Variants in RFPL3 observed in about 807,000 individuals in gnomAD.
RFPL3 encodes ret finger protein like 3.
RFPL3 carries 8 observed loss-of-function variants against 8.7 expected under a neutral mutation model. The observed-to-expected ratio is 0.92, with a 90% CI of 0.54 to 1.66. The LOEUF (loss-of-function observed/expected upper bound fraction) is 1.66. Ranked by LOEUF, RFPL3 falls within the 40% of genes most tolerant of loss-of-function variation. The pLI, the probability that RFPL3 is intolerant of heterozygous loss-of-function variation, is 0.00. For missense variants in RFPL3, 341 were observed against 395.0 expected (o/e 0.86, Z 1.16); for synonymous variants, 145 against 150.5 (o/e 0.96, Z 0.27).
chr22:32,360,114 C>T (rs56317784), intron 1 of RFPL3, 138 bp from the exon 2 acceptor site: 75,244 of 1,158,884 alleles, frequency 0.065, 2,729 homozygotes, highest in African/African-American at 0.11. Flanking sequence ...GAAGTTTCCT[C>T]ATGAAAAGTT....
chr22:32,360,857 G>A lies in RFPL3; in HGVS notation c.*25G>A. Reference sequence around the variant, plus strand: ...AGCCGCCACTGCAAAAAAAAACAGGGTCAGAAAATTACTTGGGTGGGTAGA... The same window carrying A: ...AGCCGCCACTGCAAAAAAAAACAGGATCAGAAAATTACTTGGGTGGGTAGA... On this transcript the variant is annotated 3_prime_UTR_variant, in exon 2 of 2. Transcript: ENST00000249007. The A allele has an allele frequency of 2.7e-6, 4 of 1,504,984 alleles. No homozygotes were observed. Among genetic ancestry groups the A allele is most frequent in the African/African-American group, 1.4e-5 (1 of 71,594 alleles). The allele number at this position is 1,504,984 out of a possible 1,614,324, so 93.2% of individuals were successfully genotyped here. A position where few individuals can be genotyped will look rare whatever the true frequency, so the allele number is the denominator to read the frequency against.
At position 32,360,423 on chromosome 22, in the gene RFPL3, G is replaced by A; in HGVS notation, c.545G>A (p.Trp182Ter). 2 of 1,613,952 alleles carry A rather than the reference G, an allele frequency of 1.2e-6. No individual in the cohort carries two copies. The change falls in exon 2 of 2, where the codon TGG becomes TAG. Residue 182 changes from tryptophan (W) to a stop codon, truncating the protein, a stop_gained. Transcript: ENST00000249007. LOFTEE classifies it low-confidence loss of function (END_TRUNC). ...CGCTTTACCTGTGGCCGCCACTACT[G>A]GGAGGTGGACGTGGGAACAAGCACA... ...SPRFTCGRHY[W>*]EVDVGTSTEW...
At chr22:32,358,849 C>A (rs1932749091) in intron 1 of RFPL3, among the ~76,000 whole-genome samples, 1 of 152,142 alleles carries the variant, frequency 6.6e-6, no homozygotes, top group Admixed American at 6.5e-5. Context: ...TTAAGATGGG[C>A]CTGGTATTTC....
upstream of RFPL3, among the ~76,000 whole-genome samples, chr22:32,356,059 T>C (rs193149615): frequency 1.2e-3 from 183 of 152,140 alleles, no homozygotes; most frequent in African/African-American, 4.1e-3. Context: ...GGGCCCCAAA[T>C]GTAAGACCTC....
intron 1 of RFPL3, 71 bp downstream of exon 1, chr22:32,358,515 T>A (rs1000079594): frequency 2.0e-6 from 3 of 1,531,728 alleles, no homozygotes; most frequent in Non-Finnish European, 2.6e-6. Flanking sequence ...AGTTGGCCCC[T>A]CATTCCACAT....
rs1932782377 is a variant in RFPL3, at chr22:32,361,103, A to T, written c.*271A>T. The stretch of plus-strand genomic sequence containing the variant: ...AAATGCTTTACTTTTTCATTTCTGT[A>T]AGTTCAAATCAATGTTTAAATTATA... On this transcript the variant is annotated 3_prime_UTR_variant, in exon 2 of 2. Transcript: ENST00000249007. 3.0e-6 allele frequency: 1 copy of T among 328,574 alleles called. No homozygotes were observed. Among genetic ancestry groups the T allele is most frequent in the Non-Finnish European group, 5.5e-6 (1 of 182,776 alleles). 20.4% of individuals were successfully genotyped at this position (328,574 alleles called of 1,614,324 possible).
In RFPL3 at chr22:32,358,066, C is replaced by T. The variant is rs762905306; in HGVS notation, c.-6C>T. 1.2e-5 allele frequency: 20 copies of T among 1,610,520 alleles called. No homozygotes were observed. The highest frequency in any genetic ancestry group is 8.3e-5 in the Admixed American group (5 of 59,888). On this transcript the variant is annotated 5_prime_UTR_variant, in exon 1 of 2. Coordinates refer to ENST00000249007, the MANE Select transcript of RFPL3 (RefSeq NM_001098535.1). ...GTGACAAAGCTGGAACACAATACCT[C>T]TATGCATGAAAAGGTTGTCACTTGT...
At position 32,360,856 on chromosome 22, in the gene RFPL3, G is replaced by T; in HGVS notation, c.*24G>T. On this transcript the variant is annotated 3_prime_UTR_variant, in exon 2 of 2. Coordinates refer to ENST00000249007, the MANE Select transcript of RFPL3 (RefSeq NM_001098535.1). ...AAGCCGCCACTGCAAAAAAAAACAG[G>T]GTCAGAAAATTACTTGGGTGGGTAG... The T allele has an allele frequency of 6.7e-7, 1 of 1,501,922 alleles. No homozygotes were observed. Among genetic ancestry groups the T allele is most frequent in the Non-Finnish European group, 8.9e-7 (1 of 1,126,300 alleles). 93.0% of individuals were successfully genotyped at this position (1,501,922 alleles called of 1,614,324 possible). A position where few individuals can be genotyped will look rare whatever the true frequency, so the allele number is the denominator to read the frequency against.
chr22:32,356,614 A>C (rs1422916775), upstream of RFPL3: 2 of 217,812 alleles, frequency 9.2e-6, no homozygotes, highest in African/African-American at 2.4e-5. Context: ...GTGGGAGGGG[A>C]TCTCTGTTCT....
chr22:32,358,925 G>A (rs1932751003), intron 1 of RFPL3, among the ~76,000 whole-genome samples: 2 of 152,206 alleles, frequency 1.3e-5, no homozygotes, highest in Admixed American at 1.3e-4. Flanking sequence ...AGAAGAGTTG[G>A]GAATGGAGCA....
chr22:32,358,828 T>C, intron 1 of RFPL3, among the ~76,000 whole-genome samples: 1 of 152,230 alleles, frequency 6.6e-6, no homozygotes, highest in East Asian at 1.9e-4. Flanking sequence ...AAGGTTCCCA[T>C]GAATCTGACA....
At chr22:32,359,503 C>T (rs1359239804) in intron 1 of RFPL3, among the ~76,000 whole-genome samples, 1 of 152,042 alleles carries the variant, frequency 6.6e-6, no homozygotes, top group Non-Finnish European at 1.5e-5. Flanking sequence ...GGCGGCTTCA[C>T]CTGTCAGTCA....
At position 32,358,437 on chromosome 22, in the gene RFPL3, G is replaced by A; in HGVS notation, c.366G>A (p.Lys122=). The A allele has an allele frequency of 6.2e-7, 1 of 1,612,926 alleles. No individual in the cohort carries two copies. Among genetic ancestry groups the A allele is most frequent in the Middle Eastern group, 1.7e-4 (1 of 6,052 alleles). The change falls in exon 1 of 2, where the codon AAG becomes AAA. Residue 122 remains lysine, a synonymous_variant. Transcript: ENST00000249007. ...KILQMNPRMR[K]FQVDMTLDAD... ...TACAGATGAACCCAAGGATGCGGAA[G>A]TTCCAAGGTAAGGAATCTGTATACC...
upstream of RFPL3, among the ~76,000 whole-genome samples, chr22:32,355,566 T>G (rs972421066): frequency 6.6e-6 from 1 of 152,106 alleles, no homozygotes; most frequent in Non-Finnish European, 1.5e-5. Context: ...TTCCTAGAGC[T>G]GCCAGGCAGC....
Position 32,358,110 on chromosome 22 carries a change from A to G in RFPL3, c.39A>G (p.Ser13=). ...CACTTGTCACAACTAACAGGCTTTC[A>G]CCTCAAGGAAATTTTCTTCCCTTGT... ...RLSLVTTNRL[S]PQGNFLPLCT... The change falls in exon 1 of 2, where the codon TCA becomes TCG. Residue 13 remains serine, a synonymous_variant. Coordinates refer to ENST00000249007, the MANE Select transcript of RFPL3 (RefSeq NM_001098535.1). 6.2e-7 allele frequency: 1 copy of G among 1,613,882 alleles called. No individual in the cohort carries two copies. Among genetic ancestry groups the G allele is most frequent in the South Asian group, 1.1e-5 (1 of 91,062 alleles).
intron 1 of RFPL3, 71 bp downstream of exon 1, chr22:32,358,515 T>G (rs1000079594): frequency 6.5e-7 from 1 of 1,531,598 alleles, no homozygotes; most frequent in Non-Finnish European, 8.8e-7. Context: ...AGTTGGCCCC[T>G]CATTCCACAT....
Position 32,358,366 on chromosome 22 carries a change from C to G in RFPL3, c.295C>G (p.Leu99Val). The G allele has an allele frequency of 6.2e-7, 1 of 1,614,156 alleles. No individual in the cohort carries two copies. The highest frequency in any genetic ancestry group is 8.5e-7 in the Non-Finnish European group (1 of 1,180,032). ...CAGGCCCAATCGGCAGCTAGAGAGGCTGGTTTCCCACATCAAGGAACTGGA... is the reference window on the plus strand; with the variant it reads ...CAGGCCCAATCGGCAGCTAGAGAGGGTGGTTTCCCACATCAAGGAACTGGA... ...KIRPNRQLERLVSHIKELEPK... is the reference protein window; with the variant it reads ...KIRPNRQLERVVSHIKELEPK... The change falls in exon 1 of 2, where the codon CTG (leucine) becomes GTG (valine). Residue 99 changes from leucine to valine, a missense_variant. Transcript: ENST00000249007.
At chr22:32,359,528 T>C (rs5754010) in intron 1 of RFPL3, among the ~76,000 whole-genome samples, 10,873 of 152,240 alleles carry the variant, frequency 0.071, 822 homozygotes, top group East Asian at 0.46. Flanking sequence ...CCCAATGCCT[T>C]AAATTATTGA....
upstream of RFPL3, among the ~76,000 whole-genome samples, chr22:32,355,602 T>C (rs1932637447): frequency 6.6e-6 from 1 of 152,098 alleles, no homozygotes; most frequent in Admixed American, 6.5e-5. Flanking sequence ...CACCTGTGCA[T>C]GTGTCAGAGA....
Sources: gnomAD v4.1 joint callset for allele counts (sites outside exome capture counted in the v4.1 genomes callset) on GRCh38, gnomAD v4.1.1 for gene constraint, MANE v1.5 for transcripts, NCBI Gene and HGNC (gene_info 2026-07-23, HGNC 2026-07-21) for gene names.